The following ALCAM variants were observed in gnomAD, a reference collection of about 807,000 sequenced individuals.
The protein encoded by ALCAM is activated leukocyte cell adhesion molecule, also known as CD166 antigen.
Under a neutral mutation model 70.9 loss-of-function variants are expected in ALCAM, and 30 were observed. The ratio of observed to expected loss-of-function variants is 0.42; its 90% CI spans 0.32 to 0.57. The LOEUF (loss-of-function observed/expected upper bound fraction) is 0.57, where lower values mean the gene tolerates loss of function less well. Among genes scored for constraint, ALCAM ranks in the 20% least tolerant of loss-of-function variants. The pLI is 0.11. For synonymous variants in ALCAM, 249 were observed against 242.5 expected, an observed-to-expected ratio of 1.03 and a Z score of -0.25; for missense variants, 591 against 695.1, an observed-to-expected ratio of 0.85 and a Z score of 1.68.
Position 105,382,996 on chromosome 3 carries a change from G to A in ALCAM, c.73+15515G>A, listed in dbSNP as rs146824687. ...ATTTTTCTTGGAATTCCATGTGCTAGCCATATTTCTAAATGTGCCATGCCC... is the reference window on the plus strand; with the variant it reads ...ATTTTTCTTGGAATTCCATGTGCTAACCATATTTCTAAATGTGCCATGCCC... On this transcript the variant is annotated intron_variant, in intron 1 of 15. Transcript: ENST00000306107. 4.4e-3 allele frequency among the ~76,000 whole-genome samples: 675 copies of A among 151,824 alleles called. 17 individuals are homozygous for A. The highest frequency in any genetic ancestry group is 8.7e-3 in the Admixed American group (132 of 15,188).
At chr3:105,437,569 T>C (rs1263417666) in intron 1 of ALCAM, among the ~76,000 whole-genome samples, 1 of 152,106 alleles carries the variant, frequency 6.6e-6, no homozygotes, top group African/African-American at 2.4e-5. Flanking sequence ...ATGAACCCTT[T>C]GGTACATAGA....
chr3:105,449,622 T>C (rs1937378675), intron 1 of ALCAM, among the ~76,000 whole-genome samples: 1 of 152,236 alleles, frequency 6.6e-6, no homozygotes, highest in Admixed American at 6.5e-5. Flanking sequence ...ACTACCACCC[T>C]ATTCATCCTA....
At chr3:105,446,772 C>A (rs1456687070) in intron 1 of ALCAM, among the ~76,000 whole-genome samples, 1 of 152,162 alleles carries the variant, frequency 6.6e-6, no homozygotes, top group African/African-American at 2.4e-5. Flanking sequence ...AAAGGCCTTC[C>A]TTATTATCTC....
intron 1 of ALCAM, among the ~76,000 whole-genome samples, chr3:105,416,726 G>A (rs1253788247): frequency 6.6e-6 from 1 of 151,776 alleles, no homozygotes; most frequent in Non-Finnish European, 1.5e-5. Context: ...TTAAGTTCAA[G>A]CCACCATCAT....
chr3:105,457,152 T>C (rs1470169652), intron 1 of ALCAM, among the ~76,000 whole-genome samples: 1 of 152,218 alleles, frequency 6.6e-6, no homozygotes, highest in African/African-American at 2.4e-5. Flanking sequence ...AAATACATCT[T>C]AAAAGATTTT....
intron 1 of ALCAM, among the ~76,000 whole-genome samples, chr3:105,442,070 A>C (rs1473995368): frequency 6.6e-6 from 1 of 152,196 alleles, no homozygotes; most frequent in Admixed American, 6.5e-5. Flanking sequence ...TTCTTTCTAT[A>C]TACATTTGTG....
intron 1 of ALCAM, among the ~76,000 whole-genome samples, chr3:105,446,703 C>T (rs1937308620): frequency 6.6e-6 from 1 of 151,408 alleles, no homozygotes; most frequent in Admixed American, 6.6e-5. Context: ...TCATTTGTGG[C>T]AACATGGATG....
At position 105,555,984 on chromosome 3, in the gene ALCAM, G is replaced by A. The variant is rs571854968; in HGVS notation, c.1664+3399G>A. On this transcript the variant is annotated intron_variant, in intron 14 of 15. Transcript: ENST00000306107. ...TATTAACTATCAGAGTCAGGAAAAG[G>A]CATTAATTAGTCCACCCTATATCTA... Among the ~76,000 whole-genome samples the A allele has an allele frequency of 9.9e-5, 15 of 151,928 alleles. No homozygotes were observed. The South Asian group carries it at 1.5e-3, about 15-fold the overall frequency.
chr3:105,518,450 G>A (rs1330883062), intron 1 of ALCAM, among the ~76,000 whole-genome samples: 2 of 152,048 alleles, frequency 1.3e-5, no homozygotes, highest in Non-Finnish European at 2.9e-5. Context: ...CCACATTTAG[G>A]AGCCAAATAT....
chr3:105,393,699 A>C (rs1349893436), intron 1 of ALCAM, among the ~76,000 whole-genome samples: 3 of 151,900 alleles, frequency 2.0e-5, no homozygotes, highest in Non-Finnish European at 4.4e-5. Context: ...CATTTGGAAA[A>C]CCAGCATTTG....
At chr3:105,433,734 GA>G (rs1364710535) in intron 1 of ALCAM, among the ~76,000 whole-genome samples, 1 of 147,048 alleles carries the variant, frequency 6.8e-6, no homozygotes, top group African/African-American at 2.5e-5. Context: ...CACCAAGGGG[GA>G]TATAGGAAAG....
chr3:105,398,588 G>C (rs1936010891), intron 1 of ALCAM, among the ~76,000 whole-genome samples: 2 of 151,916 alleles, frequency 1.3e-5, no homozygotes, highest in Non-Finnish European at 2.9e-5. Context: ...TTCATTTATT[G>C]CAATAATTAA....
At chr3:105,444,133 T>C (rs1257179233) in intron 1 of ALCAM, among the ~76,000 whole-genome samples, 1 of 152,192 alleles carries the variant, frequency 6.6e-6, no homozygotes, top group Non-Finnish European at 1.5e-5. Flanking sequence ...TGTTTCCTTT[T>C]ACACTGGTAT....
chr3:105,476,435 GT>G (rs1313572876), intron 1 of ALCAM, among the ~76,000 whole-genome samples: 2 of 151,956 alleles, frequency 1.3e-5, no homozygotes, highest in African/African-American at 4.8e-5. Context: ...ATGTCTCATA[GT>G]TTTTGCCTAA....
At position 105,533,584 on chromosome 3, in the gene ALCAM, T is replaced by G. The variant is rs569070957; in HGVS notation, c.460-19T>G. ...CCCTGATTGAACCAAGGTAATAACA[T>G]TGCCTTTTTATTTTGCAGTTGGGTG... On this transcript the variant is annotated intron_variant, in intron 4 of 15. Transcript: ENST00000306107. 3.7e-6 allele frequency: 6 copies of G among 1,605,840 alleles called. No individual in the cohort carries two copies. The highest frequency in any genetic ancestry group is 5.1e-6 in the Non-Finnish European group (6 of 1,173,970).
chr3:105,367,355 G>C lies in ALCAM; in HGVS notation c.-54G>C. On this transcript the variant is annotated 5_prime_UTR_variant, in exon 1 of 16. Coordinates refer to ENST00000306107, the MANE Select transcript of ALCAM (RefSeq NM_001627.4). ...CGGGCACCGCGGGGCCCGGGACGAC[G>C]CCCCCTCCTGCGGCGTGGACTCCGT... 1 of 1,591,732 alleles carries C rather than the reference G, an allele frequency of 6.3e-7. No homozygotes were observed. Among genetic ancestry groups the C allele is most frequent in the Non-Finnish European group, 8.6e-7 (1 of 1,164,414 alleles).
chr3:105,368,508 G>A (rs1935141040), intron 1 of ALCAM, among the ~76,000 whole-genome samples: 1 of 151,598 alleles, frequency 6.6e-6, no homozygotes, highest in Non-Finnish European at 1.5e-5. Flanking sequence ...GTAGACAGTT[G>A]CCAGTTAAAC....
intron 1 of ALCAM, among the ~76,000 whole-genome samples, chr3:105,453,555 G>T (rs988210828): frequency 6.6e-6 from 1 of 152,102 alleles, no homozygotes; most frequent in Non-Finnish European, 1.5e-5. Flanking sequence ...TGGCTATATG[G>T]GGTCTTTTTT....
chr3:105,546,433 T>C (rs1940249598), intron 9 of ALCAM, among the ~76,000 whole-genome samples: 1 of 151,430 alleles, frequency 6.6e-6, no homozygotes, highest in African/African-American at 2.4e-5. Context: ...GTACTCTCTT[T>C]CAGCCACAGC....
Sources: allele counts gnomAD v4.1 joint callset (sites outside exome capture counted in the v4.1 genomes callset), GRCh38; gene constraint gnomAD v4.1.1; transcripts MANE v1.5; gene names NCBI Gene and HGNC (gene_info 2026-07-23, HGNC 2026-07-21).